The following ATG4C variants were observed in gnomAD, a reference collection of about 807,000 sequenced individuals.
ATG4C encodes autophagy related 4C cysteine peptidase, also known as cysteine protease ATG4C.
ATG4C carries 56 observed loss-of-function variants against 57.6 expected under a neutral mutation model. The ratio of observed to expected loss-of-function variants is 0.97; its 90% CI spans 0.78 to 1.21. The LOEUF is 1.21. Ranked by LOEUF, ATG4C falls within the 50% of genes most tolerant of loss-of-function variation. The probability of loss-of-function intolerance (pLI) is 0.00; values close to 1 mark genes in which losing one functional copy is unlikely to be tolerated. For missense variants in ATG4C, 595 were observed against 529.8 expected (o/e 1.12, Z -1.21); for synonymous variants, 157 against 174.1 (o/e 0.90, Z 0.78).
chr1:62,811,386 G>A (rs1665078957), intron 3 of ATG4C, among the ~76,000 whole-genome samples: 1 of 152,122 alleles, frequency 6.6e-6, no homozygotes, highest in Non-Finnish European at 1.5e-5. Context: ...GTATTATGCA[G>A]TTTTTCCTTC....
Position 62,864,431 on chromosome 1 carries a change from T to G in ATG4C, c.*272T>G, listed in dbSNP as rs956368561. On this transcript the variant is annotated 3_prime_UTR_variant, in exon 11 of 11. Coordinates refer to ENST00000317868, the MANE Select transcript of ATG4C (RefSeq NM_032852.4). ...GATAATTCTACCTTAACTGTAAGCC[T>G]TTTAGTCTTCAAAGTCTTCCACCTG... is the stretch of plus-strand genomic sequence containing the variant. 1 of 271,810 alleles carries G rather than the reference T, an allele frequency of 3.7e-6. No homozygotes were observed. The highest frequency in any genetic ancestry group is 2.3e-5 in the African/African-American group (1 of 42,820). The allele number at this position is 271,810 out of a possible 1,614,324, so 16.8% of individuals were successfully genotyped here.
intron 5 of ATG4C, 82 bp from the exon 6 acceptor site, chr1:62,821,057 A>AT: frequency 8.9e-7 from 1 of 1,128,876 alleles, no homozygotes; most frequent in Admixed American, 2.5e-5. Flanking sequence ...AACTGCTGGC[A>AT]TTTTTTCCTT....
At chr1:62,845,448 A>G (rs530501116) in intron 10 of ATG4C, among the ~76,000 whole-genome samples, 50 of 152,152 alleles carry the variant, frequency 3.3e-4, no homozygotes, top group Non-Finnish European at 6.2e-4. Context: ...ATTTGATATG[A>G]AGGAAATCTT....
intron 9 of ATG4C, among the ~76,000 whole-genome samples, chr1:62,840,150 C>T (rs749928271): frequency 2.6e-5 from 4 of 151,902 alleles, no homozygotes; most frequent in Non-Finnish European, 5.9e-5. Context: ...ATCCAGCTCC[C>T]CTCCCCTCCC....
intron 10 of ATG4C, among the ~76,000 whole-genome samples, chr1:62,841,864 T>C (rs1003560992): frequency 2.6e-5 from 4 of 152,230 alleles, no homozygotes; most frequent in African/African-American, 7.2e-5. Context: ...AAAAGGGCAA[T>C]CCCTTAGGGG....
Position 62,803,843 on chromosome 1 carries a change from TTGGAACAACA to T in ATG4C, c.60_69del (p.Trp20Ter), listed in dbSNP as rs1382121990. ...AGCTAAAAACCAAATTTATATCTGC[TTGGAACAACA>T]TGAAATATAGTAAGTATCATGTTTT... is the stretch of plus-strand genomic sequence containing the variant. On this transcript the variant is annotated frameshift_variant, in exon 2 of 11. Coordinates refer to ENST00000317868, the MANE Select transcript of ATG4C (RefSeq NM_032852.4). LOFTEE classifies it high-confidence loss of function. 1.3e-6 allele frequency: 2 copies of T among 1,595,874 alleles called. No homozygotes were observed. Among genetic ancestry groups the T allele is most frequent in the Non-Finnish European group, 1.7e-6 (2 of 1,167,814 alleles).
Position 62,834,813 on chromosome 1 carries a change from A to G in ATG4C, c.1050A>G (p.Gln350=), listed in dbSNP as rs367936695. 2.0e-4 allele frequency: 325 copies of G among 1,612,344 alleles called. 1 individual carries two copies. The highest frequency in any genetic ancestry group is 3.3e-4 in the Middle Eastern group (2 of 6,046). Residue 350 remains glutamine, a synonymous_variant, in exon 9 of 11, where the codon CAA becomes CAG. Coordinates refer to ENST00000317868, the MANE Select transcript of ATG4C (RefSeq NM_032852.4). ...SLIYMDPHYC[Q]SFVDVSIKDF... Reference sequence around the variant, plus strand: ...TTTACATGGATCCTCATTACTGCCAATCTTTTGTAGATGTCAGCATAAAGG... The same window carrying G: ...TTTACATGGATCCTCATTACTGCCAGTCTTTTGTAGATGTCAGCATAAAGG...
At chr1:62,804,916 TTTTC>T (rs1463245525) in intron 2 of ATG4C, among the ~76,000 whole-genome samples, 1 of 152,172 alleles carries the variant, frequency 6.6e-6, no homozygotes, top group Non-Finnish European at 1.5e-5. Context: ...AATTAAAATT[TTTTC>T]TTTCTTATGT....
intron 7 of ATG4C, 75 bp from the exon 8 acceptor site, chr1:62,833,963 A>T (rs894376160): frequency 7.5e-5 from 94 of 1,245,202 alleles, no homozygotes; most frequent in Non-Finnish European, 9.9e-5. Flanking sequence ...TACTAATATT[A>T]GTAATAGAAA....
intron 7 of ATG4C, among the ~76,000 whole-genome samples, chr1:62,829,416 A>G (rs1665772037): frequency 6.6e-6 from 1 of 152,156 alleles, no homozygotes; most frequent in Non-Finnish European, 1.5e-5. Flanking sequence ...TCAGGGAGAC[A>G]CAGATGCAGC....
At chr1:62,827,484 C>T (rs1379962945) in intron 6 of ATG4C, among the ~76,000 whole-genome samples, 3 of 152,068 alleles carry the variant, frequency 2.0e-5, no homozygotes, top group African/African-American at 7.2e-5. Flanking sequence ...TTCCTGTTCA[C>T]TCTTCTCTCT....
intron 10 of ATG4C, among the ~76,000 whole-genome samples, chr1:62,863,200 T>C (rs962200000): frequency 3.9e-5 from 6 of 152,008 alleles, no homozygotes; most frequent in Admixed American, 3.9e-4. Flanking sequence ...TTCTAGGTAT[T>C]GCTTTTTTTT....
intron 10 of ATG4C, among the ~76,000 whole-genome samples, chr1:62,847,909 T>G (rs1408227240): frequency 1.3e-5 from 2 of 152,316 alleles, no homozygotes; most frequent in Non-Finnish European, 1.5e-5. Flanking sequence ...ACAACCACTC[T>G]TCCGTTCTCT....
intron 1 of ATG4C, among the ~76,000 whole-genome samples, chr1:62,792,541 C>T (rs1214350742): frequency 1.3e-5 from 2 of 152,134 alleles, no homozygotes; most frequent in East Asian, 3.9e-4. Flanking sequence ...CTTGGTTCCA[C>T]ATAATATCAT....
intron 10 of ATG4C, among the ~76,000 whole-genome samples, chr1:62,850,020 A>G (rs928999517): frequency 2.0e-5 from 3 of 152,206 alleles, no homozygotes; most frequent in African/African-American, 7.2e-5. Context: ...TATGAGTACT[A>G]TTTAGAGAGA....
At chr1:62,822,805 T>C (rs1665523594) in intron 6 of ATG4C, among the ~76,000 whole-genome samples, 1 of 151,076 alleles carries the variant, frequency 6.6e-6, no homozygotes, top group African/African-American at 2.5e-5. Flanking sequence ...TAATTGCATC[T>C]ATTTTTATGG....
rs545704058 is a variant in ATG4C, at chr1:62,829,293, C to T, written c.933+117C>T. ...GATGATTTTGTAGTTGTACGTTGTA[C>T]GTTGTAAAGTTTGACATTAGAGATT... On this transcript the variant is annotated intron_variant, in intron 7 of 10. Transcript: ENST00000317868. 1,096 of 1,191,888 alleles carry T rather than the reference C, an allele frequency of 9.2e-4. 13 individuals are homozygous for T. The South Asian group carries it at 0.012, about 13-fold the overall frequency. The allele number at this position is 1,191,888 out of a possible 1,614,324, so 73.8% of individuals were successfully genotyped here. A position where few individuals can be genotyped will look rare whatever the true frequency, so the allele number is the denominator to read the frequency against.
chr1:62,793,108 G>C (rs550658693), intron 1 of ATG4C, among the ~76,000 whole-genome samples: 13 of 150,406 alleles, frequency 8.6e-5, no homozygotes, highest in African/African-American at 2.7e-4. Flanking sequence ...GGATGGTCTC[G>C]ATCTCCTGAC....
chr1:62,832,081 C>A (rs1158502870), intron 7 of ATG4C, among the ~76,000 whole-genome samples: 2 of 152,112 alleles, frequency 1.3e-5, no homozygotes, highest in African/African-American at 4.8e-5. Flanking sequence ...AGGGGGAAAA[C>A]AGTAGAATTC....
Sources: gnomAD v4.1 joint callset for allele counts (sites outside exome capture counted in the v4.1 genomes callset) on GRCh38, gnomAD v4.1.1 for gene constraint, MANE v1.5 for transcripts, NCBI Gene and HGNC (gene_info 2026-07-23, HGNC 2026-07-21) for gene names.